Variants in GALNT8 observed in about 807,000 individuals in gnomAD.
The protein encoded by GALNT8 is probable polypeptide N-acetylgalactosaminyltransferase 8.
In GALNT8, 66 loss-of-function variants were observed where a neutral mutation model predicts 62.7. The observed-to-expected ratio is 1.05, with a 90% CI of 0.86 to 1.29. The LOEUF (loss-of-function observed/expected upper bound fraction) is 1.29. Among genes scored for constraint, GALNT8 ranks in the 50% most tolerant of loss-of-function variants. The pLI, the probability that GALNT8 is intolerant of heterozygous loss-of-function variation, is 0.00. For missense variants in GALNT8, 771 were observed against 791.8 expected (o/e 0.97, Z 0.32); for synonymous variants, 288 against 294.3 (o/e 0.98, Z 0.22).
rs975965521 is a variant in GALNT8, at chr12:4,725,418, C to T, written c.212-1114C>T. 2.6e-5 allele frequency among the ~76,000 whole-genome samples: 4 copies of T among 152,148 alleles called. 1 individual carries two copies. Among genetic ancestry groups the T allele is most frequent in the African/African-American group, 2.4e-5 (1 of 41,526 alleles). ...TCTTTTGAGTTAAGGCAGTGTTTCC[C>T]GAATTAATGTGACAATTAGATTTAT... is the stretch of plus-strand genomic sequence containing the variant. On this transcript the variant is annotated intron_variant, in intron 1 of 10. Coordinates refer to ENST00000252318, the MANE Select transcript of GALNT8 (RefSeq NM_017417.2).
intron 6 of GALNT8, among the ~76,000 whole-genome samples, chr12:4,759,050 A>G (rs977854262): frequency 2.0e-5 from 3 of 152,202 alleles, no homozygotes. Flanking sequence ...TGCTGGGATT[A>G]CAGGCATGAA....
chr12:4,720,768 G>C lies in GALNT8; in HGVS notation c.91G>C (p.Gly31Arg). The change falls in exon 1 of 11, where the codon GGG becomes CGG. Residue 31 changes from glycine (G) to arginine (R), a missense_variant. Transcript: ENST00000252318. ...VNLLLVFSSK[G>R]TLQNLFTGGL... ...TCTCCTTCTGGTATTTTCTAGCAAG[G>C]GGACTTTACAAAACCTGTTTACGGG... 1.2e-6 allele frequency: 2 copies of C among 1,613,042 alleles called. No individual in the cohort carries two copies. The highest frequency in any genetic ancestry group is 1.7e-6 in the Non-Finnish European group (2 of 1,178,996).
At chr12:4,729,275 G>T (rs1362425592) in intron 2 of GALNT8, among the ~76,000 whole-genome samples, 1 of 152,240 alleles carries the variant, frequency 6.6e-6, no homozygotes, top group East Asian at 1.9e-4. Flanking sequence ...TATTTTCAGT[G>T]AGAATACTTA....
chr12:4,766,365 T>C (rs1199172440), intron 10 of GALNT8, among the ~76,000 whole-genome samples: 1 of 152,224 alleles, frequency 6.6e-6, no homozygotes, highest in African/African-American at 2.4e-5. Context: ...TAATATCTTC[T>C]GTATGCGACT....
chr12:4,733,981 A>T (rs955978158), intron 2 of GALNT8, among the ~76,000 whole-genome samples: 4 of 152,210 alleles, frequency 2.6e-5, no homozygotes, highest in Non-Finnish European at 5.9e-5. Flanking sequence ...AGCTCAGTGA[A>T]TGTTGCCATT....
At chr12:4,743,955 A>T (rs1337717244) in intron 3 of GALNT8, among the ~76,000 whole-genome samples, 1 of 152,214 alleles carries the variant, frequency 6.6e-6, no homozygotes, top group Non-Finnish European at 1.5e-5. Flanking sequence ...CTACCTGTAA[A>T]CAATCTAGGA....
At chr12:4,770,604 A>G (rs556144481) in intron 10 of GALNT8, among the ~76,000 whole-genome samples, 1 of 152,340 alleles carries the variant, frequency 6.6e-6, no homozygotes, top group South Asian at 2.1e-4. Context: ...TTTAGTTCTT[A>G]TAAAACATAG....
intron 6 of GALNT8, among the ~76,000 whole-genome samples, chr12:4,756,910 A>T (rs913990349): frequency 6.6e-6 from 1 of 152,206 alleles, no homozygotes; most frequent in Admixed American, 6.5e-5. Flanking sequence ...CTTAAATTAT[A>T]ATCCCCATAA....
chr12:4,765,990 C>G (rs1946398238), intron 10 of GALNT8, among the ~76,000 whole-genome samples: 1 of 152,164 alleles, frequency 6.6e-6, no homozygotes, highest in Admixed American at 6.5e-5. Flanking sequence ...CATGGCTGGT[C>G]TTGAATTCCT....
At position 4,726,607 on chromosome 12, in the gene GALNT8, G is replaced by T. The variant is rs146496646; in HGVS notation, c.287G>T (p.Arg96Leu). Reference protein sequence around the residue: ...STLKRAKDEVRPLLKAMETKV... With the variant: ...STLKRAKDEVLPLLKAMETKV... Reference sequence around the variant, plus strand: ...CTGAAGAGGGCGAAAGATGAAGTACGCCCTCTTCTAAAGGCAATGGAAACC... The same window carrying T: ...CTGAAGAGGGCGAAAGATGAAGTACTCCCTCTTCTAAAGGCAATGGAAACC... Residue 96 changes from arginine to leucine, a missense_variant, in exon 2 of 11, where the codon CGC (arginine) becomes CTC (leucine). Arg to Leu is a moderately radical substitution (Grantham distance 102). Transcript: ENST00000252318. This position sits in a 1 kb window ranked among gnomAD's most constrained non-coding sequence, Gnocchi z 4.1. 63 of 1,612,944 alleles carry T rather than the reference G, an allele frequency of 3.9e-5. No homozygotes were observed. Among genetic ancestry groups the T allele is most frequent in the Non-Finnish European group, 5.3e-5 (62 of 1,179,160 alleles).
chr12:4,738,754 G>C (rs940543312), intron 2 of GALNT8, among the ~76,000 whole-genome samples: 2 of 152,160 alleles, frequency 1.3e-5, no homozygotes, highest in Non-Finnish European at 2.9e-5. Flanking sequence ...ATATAGGCTA[G>C]TTTGCCACCT....
At chr12:4,760,904 CTAT>C in intron 6 of GALNT8, 51 bp from the exon 7 acceptor site, 3 of 1,440,076 alleles carry the variant, frequency 2.1e-6, no homozygotes, top group Non-Finnish European at 2.9e-6. Flanking sequence ...TGTCAATAAG[CTAT>C]GCAATTCATT....
chr12:4,765,572 G>A, intron 10 of GALNT8, 26 bp downstream of exon 10: 7 of 1,566,932 alleles, frequency 4.5e-6, no homozygotes, highest in Non-Finnish European at 6.1e-6. Flanking sequence ...TTGTTTGTTG[G>A]TTTGTTTGTT....
chr12:4,731,408 A>G (rs763598365), intron 2 of GALNT8, among the ~76,000 whole-genome samples: 1 of 152,158 alleles, frequency 6.6e-6, no homozygotes, highest in Non-Finnish European at 1.5e-5. Flanking sequence ...AGGGCTTTAT[A>G]TATATAGATC....
chr12:4,746,162 C>T lies in GALNT8; in HGVS notation c.1077C>T (p.Gly359=). The T allele has an allele frequency of 6.2e-7, 1 of 1,607,882 alleles. No homozygotes were observed. Among genetic ancestry groups the T allele is most frequent in the African/African-American group, 1.3e-5 (1 of 74,892 alleles). The change falls in exon 6 of 11, where the codon GGC becomes GGT. Residue 359 remains glycine, a synonymous_variant. Coordinates refer to ENST00000252318, the MANE Select transcript of GALNT8 (RefSeq NM_017417.2). ...TCTGTAGGAGTCCTTCAATCATGGG[C>T]ATCCTGGCTGCTAACAGGCACTTCC... The part of the protein sequence containing the change: ...TAPVKSPSIM[G]ILAANRHFLG...
At chr12:4,729,449 C>T (rs1946211346) in intron 2 of GALNT8, among the ~76,000 whole-genome samples, 1 of 152,144 alleles carries the variant, frequency 6.6e-6, no homozygotes, top group Non-Finnish European at 1.5e-5. Context: ...CCCACCCTGG[C>T]TCCTGGTAAC....
chr12:4,749,709 A>G lies in GALNT8; in HGVS notation c.1173+3451A>G, dbSNP rs537512085. Among the ~76,000 whole-genome samples the G allele has an allele frequency of 7.3e-4, 111 of 151,176 alleles. No homozygotes were observed. Among genetic ancestry groups the G allele is most frequent in the Non-Finnish European group, 1.3e-3 (86 of 67,736 alleles). On this transcript the variant is annotated intron_variant, in intron 6 of 10. Transcript: ENST00000252318. The surrounding 1 kb of genome is among the most constrained non-coding windows in gnomAD (Gnocchi z 4.1). ...TGAGTTTGGAAATGTTCCCTCCTGT[A>G]TTTTTTGGAAAAATTTAAGTAGGAT...
rs749984840 is a variant in GALNT8, at chr12:4,742,485, CAG to C, written c.677-2027_677-2026del. 1.4e-3 allele frequency among the ~76,000 whole-genome samples: 211 copies of C among 152,294 alleles called. 1 individual carries two copies. Among genetic ancestry groups the C allele is most frequent in the Non-Finnish European group, 1.7e-3 (116 of 68,026 alleles). ...AGCCACTGGGCAGGGAGGAGGATGT[CAG>C]AGAGTTCAAGTTTCCTTCTTAATTA... is the stretch of plus-strand genomic sequence containing the variant. On this transcript the variant is annotated intron_variant, in intron 3 of 10. Coordinates refer to ENST00000252318, the MANE Select transcript of GALNT8 (RefSeq NM_017417.2).
At chr12:4,727,026 C>T (rs1226682594) in intron 2 of GALNT8, among the ~76,000 whole-genome samples, 197 bp downstream of exon 2, 1 of 152,016 alleles carries the variant, frequency 6.6e-6, no homozygotes, top group African/African-American at 2.4e-5. Flanking sequence ...ATTTACAGAC[C>T]CTTGGGAAAG....
Sources: allele counts gnomAD v4.1 joint callset (sites outside exome capture counted in the v4.1 genomes callset), GRCh38; gene constraint gnomAD v4.1.1; non-coding constraint Gnocchi (gnomAD v3.1); transcripts MANE v1.5; gene names NCBI Gene and HGNC (gene_info 2026-07-23, HGNC 2026-07-21).